Variants in ADAM20 observed in about 807,000 individuals in gnomAD.
ADAM20 encodes ADAM metallopeptidase domain 20.
For missense variants in ADAM20, 871 were observed against 883.2 expected, an observed-to-expected ratio of 0.99 and a Z score of 0.18; for synonymous variants, 305 against 310.2, an observed-to-expected ratio of 0.98 and a Z score of 0.18.
chr14:70,572,336 C>T, the ADAM20 span, among the ~76,000 whole-genome samples: 4 of 152,048 alleles, frequency 2.6e-5, no homozygotes, highest in South Asian at 6.2e-4. Flanking sequence ...TTGGCAAAAC[C>T]AATCAATGGT....
rs1182875335 is a variant in ADAM20 at position 70,524,646 on chromosome 14, T to C, written c.112A>G (p.Thr38Ala). 6.2e-7 allele frequency: 1 copy of C among 1,613,722 alleles called. No individual in the cohort carries two copies. Among genetic ancestry groups the C allele is most frequent in the African/African-American group, 1.3e-5 (1 of 74,850 alleles). ...HSQARPSQYF[T>A]SPEVVIPLKV... ...AAAGGGATCACCACTTCTGGAGAAG[T>C]GAAATACTGGGAGGGCCTGGCCTGA... Residue 38 changes from threonine to alanine, a missense_variant, in exon 2 of 2, where the codon ACT becomes GCT. Thr to Ala is a moderately conservative substitution (Grantham distance 58). Transcript: ENST00000256389.
At chr14:70,559,998 T>C in the ADAM20 span, among the ~76,000 whole-genome samples, 3 of 152,210 alleles carry the variant, frequency 2.0e-5, no homozygotes. Flanking sequence ...ATTAACCTAA[T>C]TCACTACATT....
rs779513861 is a variant in ADAM20 at position 70,524,670 on chromosome 14, G to C, written c.88C>G (p.Gln30Glu). 2 of 1,613,916 alleles carry C rather than the reference G, an allele frequency of 1.2e-6. No homozygotes were observed. Among genetic ancestry groups the C allele is most frequent in the Non-Finnish European group, 1.7e-6 (2 of 1,179,966 alleles). ...GTGAAATACTGGGAGGGCCTGGCCT[G>C]AGAGTGGCCAGAAATAGACAAAAAC... ...GMFLSISGHS[Q>E]ARPSQYFTSP... Residue 30 changes from glutamine to glutamate, a missense_variant, in exon 2 of 2, where the codon CAG (glutamine) becomes GAG (glutamate). Physicochemically the swap from Gln to Glu is conservative, Grantham distance 29. Transcript: ENST00000256389.
At chr14:70,576,710 A>C in the ADAM20 span, among the ~76,000 whole-genome samples, 2 of 152,184 alleles carry the variant, frequency 1.3e-5, no homozygotes, top group Non-Finnish European at 2.9e-5. Flanking sequence ...AGAACTACGT[A>C]GGGTACATAA....
At chr14:70,547,494 A>G in the ADAM20 span, 1 of 134,298 alleles carries the variant, frequency 7.4e-6, no homozygotes, top group Non-Finnish European at 1.6e-5. Flanking sequence ...TCACCTGGGA[A>G]GCGCAAGGGG....
chr14:70,536,804 G>T (rs1475476635), upstream of ADAM20, among the ~76,000 whole-genome samples: 1 of 151,688 alleles, frequency 6.6e-6, no homozygotes, highest in East Asian at 1.9e-4. Flanking sequence ...TCAGCCCCAA[G>T]ATAACCTCCC....
the ADAM20 span, among the ~76,000 whole-genome samples, chr14:70,568,637 T>C: frequency 6.6e-6 from 1 of 151,860 alleles, no homozygotes; most frequent in Admixed American, 6.6e-5. Context: ...ACTAGAAAAA[T>C]AATTCAGGGT....
chr14:70,543,602 G>T, the ADAM20 span, among the ~76,000 whole-genome samples: 1 of 152,078 alleles, frequency 6.6e-6, no homozygotes, highest in Non-Finnish European at 1.5e-5. Context: ...TAATAGCATG[G>T]GTCATCCCAT....
chr14:70,550,711 G>T, the ADAM20 span, among the ~76,000 whole-genome samples: 1 of 39,200 alleles, frequency 2.6e-5, no homozygotes, highest in Non-Finnish European at 4.2e-5. Context: ...ATTCACAGCC[G>T]AATTCTACCA....
chr14:70,537,781 T>C (rs919290170), upstream of ADAM20, among the ~76,000 whole-genome samples: 2 of 152,208 alleles, frequency 1.3e-5, no homozygotes, highest in Non-Finnish European at 2.9e-5. Flanking sequence ...TATTGCAACA[T>C]GGCCTGGACC....
the ADAM20 span, chr14:70,557,027 T>C: frequency 6.6e-6 from 1 of 152,134 alleles, no homozygotes; most frequent in Non-Finnish European, 1.5e-5. Context: ...AAAATTAATA[T>C]ACAAGGAGAT....
the ADAM20 span, among the ~76,000 whole-genome samples, chr14:70,563,707 T>C: frequency 1.3e-5 from 2 of 152,110 alleles, no homozygotes; most frequent in African/African-American, 4.8e-5. Context: ...GTGTGGCACC[T>C]GCCCCCCTCC....
the ADAM20 span, among the ~76,000 whole-genome samples, chr14:70,548,671 C>T: frequency 1.6e-5 from 2 of 122,700 alleles, no homozygotes; most frequent in Non-Finnish European, 1.7e-5. Context: ...ACCAAATCCA[C>T]GTCTGATTGG....
At chr14:70,572,757 C>A in the ADAM20 span, among the ~76,000 whole-genome samples, 1 of 151,334 alleles carries the variant, frequency 6.6e-6, no homozygotes, top group Non-Finnish European at 1.5e-5. Context: ...AGAAAAAAAA[C>A]CACCATTGAA....
the ADAM20 span, chr14:70,547,140 A>C: frequency 6.6e-6 from 1 of 152,258 alleles, no homozygotes; most frequent in Admixed American, 6.5e-5. Context: ...TACAAGATTG[A>C]ACTATGAAGA....
the ADAM20 span, among the ~76,000 whole-genome samples, chr14:70,562,986 C>T: frequency 6.6e-6 from 1 of 152,160 alleles, no homozygotes; most frequent in Non-Finnish European, 1.5e-5. Flanking sequence ...TCAATGTCTG[C>T]CAACCATACT....
the ADAM20 span, among the ~76,000 whole-genome samples, chr14:70,546,478 C>G: frequency 6.6e-6 from 1 of 152,070 alleles, no homozygotes; most frequent in Admixed American, 6.6e-5. Context: ...AGGGGACTTC[C>G]AGGTCACAGA....
chr14:70,532,763 C>T (rs1171753080), intron 1 of ADAM20, among the ~76,000 whole-genome samples: 6 of 152,154 alleles, frequency 3.9e-5, no homozygotes, highest in African/African-American at 1.4e-4. Context: ...AAACATCTAT[C>T]TGATACCTGA....
the ADAM20 span, among the ~76,000 whole-genome samples, chr14:70,553,508 T>A: frequency 2.0e-5 from 2 of 102,146 alleles, no homozygotes; most frequent in South Asian, 3.1e-4. Context: ...CGCTAATCAA[T>A]ATTAATGCAA....
Sources: gnomAD v4.1 joint callset for allele counts (sites outside exome capture counted in the v4.1 genomes callset) on GRCh38, gnomAD v4.1.1 for gene constraint, MANE v1.5 for transcripts, NCBI Gene and HGNC (gene_info 2026-07-23, HGNC 2026-07-21) for gene names.